NIPA1: variants seen among roughly 807,000 people sequenced by gnomAD.
NIPA1 encodes magnesium transporter NIPA1.
In NIPA1, 13 loss-of-function variants were observed where a neutral mutation model predicts 23.9. The observed-to-expected ratio is 0.54, with a 90% CI of 0.35 to 0.87. The LOEUF (loss-of-function observed/expected upper bound fraction) is 0.87, where lower values mean the gene tolerates loss of function less well. Ranked by LOEUF, NIPA1 falls within the 40% of genes least tolerant of loss-of-function variation. The pLI is 0.01. For missense variants in NIPA1, 362 were observed against 429.7 expected (o/e 0.84, Z 1.39); for synonymous variants, 234 against 202.9 (o/e 1.15, Z -1.30).
Position 22,812,264 on chromosome 15 carries a change from A to G in NIPA1, c.317+11A>G. On this transcript the variant is annotated intron_variant, in intron 3 of 4. Transcript: ENST00000337435. ...TGGAGTACCGTTCGGGTGAGAGCCA[A>G]GATTGTGTTTGGTATTTAATGTGTA... The G allele has an allele frequency of 1.9e-6, 3 of 1,590,006 alleles. No homozygotes were observed. Among genetic ancestry groups the G allele is most frequent in the Non-Finnish European group, 2.6e-6 (3 of 1,158,160 alleles).
At chr15:22,786,565 C>A, upstream of NIPA1, 1 of 314,788 alleles carries the variant, frequency 3.2e-6, no homozygotes, top group Non-Finnish European at 4.7e-6. Flanking sequence ...CCGTCCCCCT[C>A]CCCTCCCCCG....
At chr15:22,805,891 T>C (rs559176917) in intron 1 of NIPA1, among the ~76,000 whole-genome samples, 100 of 152,216 alleles carry the variant, frequency 6.6e-4, no homozygotes, top group African/African-American at 2.3e-3. Context: ...ATTTTTATAC[T>C]ATAAAGCTGT....
rs1350611391 is a variant in NIPA1, at chr15:22,786,710, G to A, written c.54G>A (p.Glu18=). The part of the protein sequence containing the change: ...AAAAAAAAAG[E]GARSPSPAAV... ...CGGCGGCGGCGGCGGCGGCCGGGGA[G>A]GGGGCGCGTAGCCCGAGCCCCGCCG... The change falls in exon 1 of 5, where the codon GAG becomes GAA. Residue 18 remains glutamate, a synonymous_variant. Coordinates refer to ENST00000337435, the MANE Select transcript of NIPA1 (RefSeq NM_144599.5). The A allele has an allele frequency of 2.5e-6, 3 of 1,179,762 alleles. No homozygotes were observed. The highest frequency in any genetic ancestry group is 3.2e-5 in the African/African-American group (2 of 61,714). The allele number at this position is 1,179,762 out of a possible 1,614,324, so 73.1% of individuals were successfully genotyped here.
intron 1 of NIPA1, among the ~76,000 whole-genome samples, chr15:22,789,663 G>C (rs1365561273): frequency 1.3e-5 from 2 of 152,196 alleles, no homozygotes; most frequent in Non-Finnish European, 2.9e-5. Context: ...TCCGAGTCAT[G>C]TGGCACCAAA....
chr15:22,789,603 C>T (rs1185133917), intron 1 of NIPA1, among the ~76,000 whole-genome samples: 4 of 152,054 alleles, frequency 2.6e-5, no homozygotes, highest in Non-Finnish European at 4.4e-5. Flanking sequence ...GAGCACCTCC[C>T]GCCGAAGAAG....
chr15:22,818,279 A>G (rs1595644707), intron 3 of NIPA1, among the ~76,000 whole-genome samples: 1 of 151,642 alleles, frequency 6.6e-6, no homozygotes, highest in Non-Finnish European at 1.5e-5. Flanking sequence ...TCTACTAAAT[A>G]CAAAAAATTA....
chr15:22,790,205 C>CCCAGTGA (rs1205700561), intron 1 of NIPA1, among the ~76,000 whole-genome samples: 13 of 152,138 alleles, frequency 8.5e-5, no homozygotes, highest in Admixed American at 5.2e-4. Context: ...TTCATACTTC[C>CCCAGTGA]CCAGTGACCA....
chr15:22,820,528 T>C, intron 4 of NIPA1, 55 bp downstream of exon 4: 1 of 1,339,432 alleles, frequency 7.5e-7, no homozygotes, highest in Non-Finnish European at 1.1e-6. Flanking sequence ...GTGCCAACTT[T>C]TTTAACCACG....
Position 22,823,895 on chromosome 15 carries a change from A to G in NIPA1, c.646A>G (p.Ile216Val), listed in dbSNP as rs772180776. The change falls in exon 5 of 5, where the codon ATC becomes GTC. Residue 216 changes from isoleucine to valine, a missense_variant. By Grantham distance (29) the Ile-to-Val change is conservative. This residue lies in a region of NIPA1 where 277 missense variants were observed against 372.0 expected (regional missense o/e 0.74). Coordinates refer to ENST00000337435, the MANE Select transcript of NIPA1 (RefSeq NM_144599.5). ...GGGCATCGGGCTGGCGGCCCAAGAC[A>G]TCTTGCATAACAACCCGTCCAGTCA... The part of the protein sequence containing the change: ...TKGIGLAAQD[I>V]LHNNPSSQRA... The G allele has an allele frequency of 1.1e-5, 18 of 1,614,178 alleles. No homozygotes were observed. The highest frequency in any genetic ancestry group is 1.1e-4 in the South Asian group (10 of 91,080).
At chr15:22,812,546 G>C (rs1306449337) in intron 3 of NIPA1, among the ~76,000 whole-genome samples, 1 of 151,878 alleles carries the variant, frequency 6.6e-6, no homozygotes, top group Non-Finnish European at 1.5e-5. Context: ...CTAGCTACTC[G>C]GGAGGGTGAG....
intron 3 of NIPA1, among the ~76,000 whole-genome samples, chr15:22,817,992 C>T (rs1466771903): frequency 6.6e-6 from 1 of 151,696 alleles, no homozygotes; most frequent in Non-Finnish European, 1.5e-5. Context: ...AGGTGGATCA[C>T]GAAGGGCACA....
At chr15:22,803,531 C>T (rs1267795875) in intron 1 of NIPA1, among the ~76,000 whole-genome samples, 9 of 96,032 alleles carry the variant, frequency 9.4e-5, no homozygotes, top group African/African-American at 4.0e-4. Context: ...TTTTTTGAGA[C>T]GGAGTCTCAC....
chr15:22,819,684 T>C (rs1007996284), intron 3 of NIPA1, among the ~76,000 whole-genome samples: 4 of 152,204 alleles, frequency 2.6e-5, no homozygotes, highest in African/African-American at 9.7e-5. Flanking sequence ...GCATTACTTA[T>C]AATTATTTTG....
At chr15:22,811,517 T>C (rs1895315873) in intron 2 of NIPA1, among the ~76,000 whole-genome samples, 1 of 152,078 alleles carries the variant, frequency 6.6e-6, no homozygotes, top group South Asian at 2.1e-4. Flanking sequence ...GGTGGGAGGA[T>C]TGCTTGAGCC....
rs1369223854 is a variant in NIPA1 at position 22,786,776 on chromosome 15, G to C, written c.120G>C (p.Leu40=). The change falls in exon 1 of 5, where the codon CTG becomes CTC. Residue 40 remains leucine (L), a synonymous_variant. Coordinates refer to ENST00000337435, the MANE Select transcript of NIPA1 (RefSeq NM_144599.5). The stretch of plus-strand genomic sequence containing the variant: ...TGGGCGTGGCCGTCGTGTCGAGCCT[G>C]GTGAACGGGTCCACGTTCGTGCTAC... ...LGLGVAVVSS[L]VNGSTFVLQK... 2 of 1,322,926 alleles carry C rather than the reference G, an allele frequency of 1.5e-6. No individual in the cohort carries two copies. The highest frequency in any genetic ancestry group is 2.0e-6 in the Non-Finnish European group (2 of 1,015,496). 81.9% of individuals were successfully genotyped at this position (1,322,926 alleles called of 1,614,324 possible). A position where few individuals can be genotyped will look rare whatever the true frequency, so the allele number is the denominator to read the frequency against.
rs187079182 is a variant in NIPA1 at position 22,822,964 on chromosome 15, G to A, written c.479-764G>A. Among the ~76,000 whole-genome samples, 51 of 132,956 alleles carry A rather than the reference G, an allele frequency of 3.8e-4. 1 individual carries two copies. Among genetic ancestry groups the A allele is most frequent in the African/African-American group, 1.3e-3 (45 of 33,488 alleles). The allele number at this position is 132,956 out of a possible 152,430, so 87.2% of individuals were successfully genotyped here. On this transcript the variant is annotated intron_variant, in intron 4 of 4. Transcript: ENST00000337435. Reference sequence around the variant, plus strand: ...GACGGACTCTTGCTCTGTCGCCCAGGCTGGAGTGCAGTGGTGTGATCTCGG... The same window carrying A: ...GACGGACTCTTGCTCTGTCGCCCAGACTGGAGTGCAGTGGTGTGATCTCGG...
intron 1 of NIPA1, among the ~76,000 whole-genome samples, chr15:22,800,771 A>G (rs540911944): frequency 6.6e-6 from 1 of 152,174 alleles, no homozygotes; most frequent in Non-Finnish European, 1.5e-5. Context: ...TACTAAAAAT[A>G]CAAAAAAAAT....
At chr15:22,797,931 G>A (rs1324912601) in intron 1 of NIPA1, among the ~76,000 whole-genome samples, 1 of 148,562 alleles carries the variant, frequency 6.7e-6, no homozygotes, top group African/African-American at 2.5e-5. Context: ...TGCAAGCTCC[G>A]CCTCCTGGGT....
At position 22,824,121 on chromosome 15, in the gene NIPA1, T is replaced by C; in HGVS notation, c.872T>C (p.Phe291Ser). 8.1e-6 allele frequency: 13 copies of C among 1,614,084 alleles called. No homozygotes were observed. The highest frequency in any genetic ancestry group is 1.1e-5 in the Non-Finnish European group (13 of 1,179,926). ...REWSNVGLVD[F>S]LGMACGFTTV... ...TGGAGCAACGTGGGCCTGGTGGACTTCTTGGGGATGGCCTGTGGATTCACG... is the reference window on the plus strand; with the variant it reads ...TGGAGCAACGTGGGCCTGGTGGACTCCTTGGGGATGGCCTGTGGATTCACG... Residue 291 changes from phenylalanine to serine, a missense_variant, in exon 5 of 5, where the codon TTC becomes TCC. Coordinates refer to ENST00000337435, the MANE Select transcript of NIPA1 (RefSeq NM_144599.5). This position sits in a 1 kb window ranked among gnomAD's most constrained non-coding sequence, Gnocchi z 4.1.
Sources: gnomAD v4.1 joint callset for allele counts (sites outside exome capture counted in the v4.1 genomes callset) on GRCh38, gnomAD v4.1.1 for gene constraint, gnomAD v4.1.1 regional missense constraint, Gnocchi (gnomAD v3.1) non-coding constraint, MANE v1.5 for transcripts, NCBI Gene and HGNC (gene_info 2026-07-23, HGNC 2026-07-21) for gene names.